The following BLK variants were observed in gnomAD, a reference collection of about 807,000 sequenced individuals.
BLK encodes the protein tyrosine-protein kinase Blk.
BLK carries 64 observed loss-of-function variants against 61.8 expected under a neutral mutation model. The observed-to-expected ratio is 1.03, with a 90% confidence interval of 0.85 to 1.27. BLK has a LOEUF of 1.27. Among genes scored for constraint, BLK ranks in the 50% most tolerant of loss-of-function variants. BLK has a pLI of 0.00. For synonymous variants in BLK, 351 were observed against 272.0 expected (o/e 1.29, Z -2.86); for missense variants, 853 against 660.5 (o/e 1.29, Z -3.19).
chr8:11,532,913 A>T (rs917853461), intron 1 of BLK, among the ~76,000 whole-genome samples: 1 of 152,232 alleles, frequency 6.6e-6, no homozygotes, highest in African/African-American at 2.4e-5. Context: ...TTTGAATAAC[A>T]GTTCTGTGAC....
Position 11,564,155 on chromosome 8 carries a change from C to A in BLK, c.*47C>A. On this transcript the variant is annotated 3_prime_UTR_variant, in exon 13 of 13. Transcript: ENST00000259089. ...CCGTGCCCACCTCTGCGCGGACGAC[C>A]CCGACTTCCGTGCCATCCCAGACGG... 6.5e-7 allele frequency: 1 copy of A among 1,527,910 alleles called. No homozygotes were observed. Among genetic ancestry groups the A allele is most frequent in the Non-Finnish European group, 8.8e-7 (1 of 1,140,300 alleles). 94.6% of individuals were successfully genotyped at this position (1,527,910 alleles called of 1,614,324 possible).
intron 1 of BLK, among the ~76,000 whole-genome samples, chr8:11,526,842 T>C (rs918800554): frequency 6.6e-6 from 1 of 152,244 alleles, no homozygotes; most frequent in Non-Finnish European, 1.5e-5. Flanking sequence ...TATAACTATG[T>C]AAATTTTGTT....
intron 10 of BLK, among the ~76,000 whole-genome samples, chr8:11,559,400 C>CACACAT (rs1801378886): frequency 6.6e-6 from 1 of 151,530 alleles, no homozygotes; most frequent in Admixed American, 6.6e-5. Flanking sequence ...CAGACAGACA[C>CACACAT]ACACACAGAC....
chr8:11,548,127 T>C lies in BLK; in HGVS notation c.269+2T>C. The C allele has an allele frequency of 6.2e-7, 1 of 1,611,604 alleles. No individual in the cohort carries two copies. Among genetic ancestry groups the C allele is most frequent in the Non-Finnish European group, 8.5e-7 (1 of 1,178,888 alleles). ...GGAGAAGCTACAGGTCCTGAAGGGG[T>C]GAGGTTCCAGGACACCATCCCCTGT... On this transcript the variant is annotated splice_donor_variant, in intron 4 of 12. Transcript: ENST00000259089. LOFTEE classifies it high-confidence loss of function.
intron 1 of BLK, among the ~76,000 whole-genome samples, chr8:11,530,576 A>G (rs2264867): frequency 0.98 from 149,779 of 152,330 alleles, 73,656 homozygotes; most frequent in East Asian, 1. Flanking sequence ...AATACTCACA[A>G]ATAATTTCCA....
chr8:11,528,708 GA>G (rs1563443403), intron 1 of BLK, among the ~76,000 whole-genome samples: 1 of 152,138 alleles, frequency 6.6e-6, no homozygotes, highest in African/African-American at 2.4e-5. Flanking sequence ...TGTGTATAAC[GA>G]AAACATTGGT....
intron 2 of BLK, among the ~76,000 whole-genome samples, chr8:11,543,933 C>T (rs925989855): frequency 3.3e-5 from 5 of 151,990 alleles, no homozygotes; most frequent in African/African-American, 1.2e-4. Flanking sequence ...ACACTTAGCT[C>T]CTTTTGATGG....
intron 1 of BLK, among the ~76,000 whole-genome samples, chr8:11,508,076 G>A (rs1429918433): frequency 6.6e-6 from 1 of 152,178 alleles, no homozygotes; most frequent in East Asian, 1.9e-4. Flanking sequence ...GCCCCGTGAT[G>A]TCATCAGGAA....
chr8:11,532,191 A>ATATT (rs542197840), intron 1 of BLK, among the ~76,000 whole-genome samples: 58 of 134,796 alleles, frequency 4.3e-4, no homozygotes, highest in South Asian at 2.4e-3. Context: ...AAAAATTTTA[A>ATATT]TATTTATTTA....
intron 1 of BLK, among the ~76,000 whole-genome samples, chr8:11,523,561 C>CA (rs1799537240): frequency 6.6e-6 from 1 of 151,224 alleles, no homozygotes; most frequent in East Asian, 1.9e-4. Context: ...TCAAAACAAA[C>CA]AAAAAAAATT....
chr8:11,554,555 A>C lies in BLK; in HGVS notation c.473-188A>C, dbSNP rs112153719. Among the ~76,000 whole-genome samples the C allele has an allele frequency of 0.014, 2,190 of 152,246 alleles. 44 individuals carry two copies. Among genetic ancestry groups the C allele is most frequent in the African/African-American group, 0.05 (2,072 of 41,540 alleles). ...GATGCCAAGGTCAGAGTCAGATGGA[A>C]CTTACAGGGGAGGCTTCCAAAAGCA... On this transcript the variant is annotated intron_variant, in intron 6 of 12. Coordinates refer to ENST00000259089, the MANE Select transcript of BLK (RefSeq NM_001715.3).
At chr8:11,547,937 C>A (rs1800717831) in intron 3 of BLK, 95 bp from the exon 4 acceptor site, 3 of 1,057,430 alleles carry the variant, frequency 2.8e-6, no homozygotes, top group Non-Finnish European at 4.4e-6. Flanking sequence ...CGTGGGCAAG[C>A]AGAAGCCTGT....
chr8:11,541,164 G>T (rs1445296462), intron 1 of BLK, among the ~76,000 whole-genome samples: 4 of 83,924 alleles, frequency 4.8e-5, no homozygotes, highest in African/African-American at 2.0e-4. Flanking sequence ...CTACTCGAGA[G>T]GCTGAGGTGG....
chr8:11,504,386 GAAAAGAAAA>G (rs1563420726), intron 1 of BLK, among the ~76,000 whole-genome samples: 68 of 133,224 alleles, frequency 5.1e-4, no homozygotes, highest in Admixed American at 1.6e-3. Context: ...GAAAAGAAAA[GAAAAGAAAA>G]GAAAAGAAAA....
At chr8:11,542,437 A>G (rs1800424161) in intron 1 of BLK, among the ~76,000 whole-genome samples, 1 of 152,182 alleles carries the variant, frequency 6.6e-6, no homozygotes, top group Non-Finnish European at 1.5e-5. Context: ...GCAGGAGTGC[A>G]GTGGTCTCAG....
At chr8:11,546,960 C>A (rs529715828) in intron 3 of BLK, among the ~76,000 whole-genome samples, 1 of 152,248 alleles carries the variant, frequency 6.6e-6, no homozygotes, top group African/African-American at 2.4e-5. Context: ...GAGGCTCCAC[C>A]CCTGGGGACT....
In BLK at chr8:11,503,797, G is replaced by C. The variant is rs149563516; in HGVS notation, c.-2+9206G>C. ...GGGCCTCACCTCTGCTGAGGCTGCT[G>C]GCTGCCCTGGGCTCGCAGTGAAAGG... is the stretch of plus-strand genomic sequence containing the variant. On this transcript the variant is annotated intron_variant, in intron 1 of 12. Coordinates refer to ENST00000259089, the MANE Select transcript of BLK (RefSeq NM_001715.3). Among the ~76,000 whole-genome samples, 9 of 152,100 alleles carry C rather than the reference G, an allele frequency of 5.9e-5. 1 individual carries two copies. The highest frequency in any genetic ancestry group is 1.7e-4 in the African/African-American group (7 of 41,400).
At chr8:11,503,632 G>A (rs1004918077) in intron 1 of BLK, among the ~76,000 whole-genome samples, 12 of 152,186 alleles carry the variant, frequency 7.9e-5, no homozygotes. Flanking sequence ...GCTGTCTGAA[G>A]TAAGCAAGGG....
chr8:11,554,803 A>G lies in BLK; in HGVS notation c.533A>G (p.Lys178Arg). 1 of 1,614,082 alleles carries G rather than the reference A, an allele frequency of 6.2e-7. No homozygotes were observed. The highest frequency in any genetic ancestry group is 2.2e-5 in the East Asian group (1 of 44,878). The change falls in exon 7 of 13, where the codon AAG becomes AGG. Residue 178 changes from lysine (K) to arginine (R), a missense_variant. Physicochemically the swap from Lys to Arg is conservative, Grantham distance 26. Coordinates refer to ENST00000259089, the MANE Select transcript of BLK (RefSeq NM_001715.3). The part of the protein sequence containing the change: ...TTQGELIKHY[K>R]IRCLDEGGYY... ...CAGGGGGAGCTGATCAAGCACTATA[A>G]GATCCGCTGCCTGGATGAAGGGGGC...
Sources: gnomAD v4.1 joint callset for allele counts (sites outside exome capture counted in the v4.1 genomes callset) on GRCh38, gnomAD v4.1.1 for gene constraint, MANE v1.5 for transcripts, NCBI Gene and HGNC (gene_info 2026-07-23, HGNC 2026-07-21) for gene names.